DOCK4: variants seen among roughly 807,000 people sequenced by gnomAD.
DOCK4 encodes dedicator of cytokinesis protein 4.
A neutral mutation model predicts 268.1 loss-of-function variants in DOCK4; 97 were observed. The ratio of observed to expected loss-of-function variants is 0.36; its 90% CI spans 0.31 to 0.43. The LOEUF (loss-of-function observed/expected upper bound fraction) is 0.43, where lower values mean the gene tolerates loss of function less well. Among genes scored for constraint, DOCK4 ranks in the 20% least tolerant of loss-of-function variants. The pLI is 1.00. For synonymous variants in DOCK4, 954 were observed against 887.2 expected (o/e 1.08, Z -1.34); for missense variants, 2,145 against 2,455.7 (o/e 0.87, Z 2.67).
At chr7:111,775,314 G>C (rs1387204329) in intron 36 of DOCK4, among the ~76,000 whole-genome samples, 1 of 152,142 alleles carries the variant, frequency 6.6e-6, no homozygotes, top group African/African-American at 2.4e-5. Context: ...CCATGATTCA[G>C]GAGTTCCTTG....
intron 1 of DOCK4, among the ~76,000 whole-genome samples, chr7:112,177,639 T>G (rs1037175300): frequency 6.6e-6 from 1 of 152,236 alleles, no homozygotes; most frequent in African/African-American, 2.4e-5. Context: ...TGGTTTCTGA[T>G]AGCTAATCAC....
intron 1 of DOCK4, among the ~76,000 whole-genome samples, chr7:112,005,632 G>A (rs541650511): frequency 6.6e-6 from 1 of 152,308 alleles, no homozygotes; most frequent in African/African-American, 2.4e-5. Context: ...ACAGTAGATT[G>A]ACTGCAATTT....
At chr7:111,804,969 G>A (rs1469875967) in intron 30 of DOCK4, among the ~76,000 whole-genome samples, 1 of 152,152 alleles carries the variant, frequency 6.6e-6, no homozygotes, top group African/African-American at 2.4e-5. Context: ...AATTATATGA[G>A]CAGGATGATG....
chr7:111,848,144 A>G (rs920937347), intron 23 of DOCK4, among the ~76,000 whole-genome samples: 2 of 152,230 alleles, frequency 1.3e-5, no homozygotes, highest in Non-Finnish European at 2.9e-5. Flanking sequence ...TGTAAATTCA[A>G]CTACATTTAC....
intron 1 of DOCK4, among the ~76,000 whole-genome samples, chr7:112,184,930 G>C (rs1337405781): frequency 6.6e-6 from 1 of 152,122 alleles, no homozygotes; most frequent in African/African-American, 2.4e-5. Context: ...GCACTTTATA[G>C]TTTACATGGC....
chr7:112,013,052 A>G (rs2135371254), intron 1 of DOCK4, among the ~76,000 whole-genome samples: 1 of 152,200 alleles, frequency 6.6e-6, no homozygotes, highest in South Asian at 2.1e-4. Context: ...CACACACACC[A>G]CTTTAAAATG....
chr7:111,882,196 T>C (rs1807448357), intron 16 of DOCK4, among the ~76,000 whole-genome samples: 1 of 152,170 alleles, frequency 6.6e-6, no homozygotes, highest in African/African-American at 2.4e-5. Context: ...CCCATAAATA[T>C]AATCACCTAC....
chr7:111,972,105 C>T (rs1282655924), intron 8 of DOCK4: 1 of 152,564 alleles, frequency 6.6e-6, no homozygotes, highest in East Asian at 1.9e-4. Context: ...TTTCTGAGGC[C>T]CTATATCAGT....
chr7:111,759,699 C>T (rs1369416919), intron 40 of DOCK4, among the ~76,000 whole-genome samples: 1 of 146,976 alleles, frequency 6.8e-6, no homozygotes, highest in Non-Finnish European at 1.5e-5. Flanking sequence ...TGATTAAAGG[C>T]TGTTCAGGAT....
chr7:112,049,128 T>A (rs1454557903), intron 1 of DOCK4, among the ~76,000 whole-genome samples: 1 of 151,894 alleles, frequency 6.6e-6, no homozygotes, highest in Non-Finnish European at 1.5e-5. Context: ...GGGTAAATAT[T>A]TTTTTTTGAA....
intron 43 of DOCK4, 81 bp from the exon 44 acceptor site, chr7:111,746,498 TCTTTATGGAAATGACAC>T: frequency 8.9e-7 from 1 of 1,126,194 alleles, no homozygotes; most frequent in Non-Finnish European, 1.3e-6. Context: ...AGACCTGGCA[TCTTTATGGAAATGACAC>T]CATTACAAAC....
At position 111,728,713 on chromosome 7, in the gene DOCK4, A is replaced by C. The variant is rs764039401; in HGVS notation, c.5489T>G (p.Val1830Gly). The C allele has an allele frequency of 1.9e-6, 3 of 1,610,044 alleles. No individual in the cohort carries two copies. The highest frequency in any genetic ancestry group is 1.1e-5 in the South Asian group (1 of 90,586). ...CACTGGAGAGGGGGTGAAAGACTGC[A>C]CAGAGCCCTGCTCCGGGGAGAAGGA... Reference protein sequence around the residue: ...PAGRSPLKGSVQSFTPSPVEY... With the variant: ...PAGRSPLKGSGQSFTPSPVEY... The change falls in exon 53 of 53, where the codon GTG becomes GGG. Residue 1830 changes from valine (V) to glycine (G), a missense_variant. Transcript: ENST00000428084.
intron 6 of DOCK4, among the ~76,000 whole-genome samples, chr7:111,988,087 A>G (rs1245520536): frequency 6.6e-6 from 1 of 152,192 alleles, no homozygotes; most frequent in Non-Finnish European, 1.5e-5. Context: ...TGGTTTTTCC[A>G]CATTCAGTAA....
intron 36 of DOCK4, among the ~76,000 whole-genome samples, chr7:111,770,835 A>C (rs1798083204): frequency 6.6e-6 from 1 of 152,206 alleles, no homozygotes; most frequent in African/African-American, 2.4e-5. Flanking sequence ...GTAACTACAC[A>C]TAAAGCCCTA....
At chr7:112,166,356 T>G (rs1055802870) in intron 1 of DOCK4, among the ~76,000 whole-genome samples, 13 of 152,196 alleles carry the variant, frequency 8.5e-5, no homozygotes, top group East Asian at 5.8e-4. Context: ...TGGAGGTAAG[T>G]ATACACACAT....
intron 1 of DOCK4, among the ~76,000 whole-genome samples, chr7:112,083,688 A>G (rs933753760): frequency 1.3e-4 from 20 of 152,186 alleles, no homozygotes; most frequent in African/African-American, 4.1e-4. Context: ...TTTAAAAGAC[A>G]TGGTTTTCCG....
At chr7:112,125,813 T>G (rs918161708) in intron 1 of DOCK4, among the ~76,000 whole-genome samples, 1 of 152,014 alleles carries the variant, frequency 6.6e-6, no homozygotes, top group African/African-American at 2.4e-5. Flanking sequence ...ATTTTTTTGT[T>G]TTTTGTTTTT....
chr7:111,986,081 G>A (rs1799029645), intron 6 of DOCK4, among the ~76,000 whole-genome samples: 1 of 152,178 alleles, frequency 6.6e-6, no homozygotes, highest in South Asian at 2.1e-4. Context: ...AGCCACACCT[G>A]ATTGTACCAT....
intron 1 of DOCK4, among the ~76,000 whole-genome samples, chr7:112,158,068 C>A (rs904956427): frequency 6.6e-6 from 1 of 152,164 alleles, no homozygotes; most frequent in African/African-American, 2.4e-5. Context: ...GCAGTTATCT[C>A]CATGGAAGCC....
Sources: gnomAD v4.1 joint callset for allele counts (sites outside exome capture counted in the v4.1 genomes callset) on GRCh38, gnomAD v4.1.1 for gene constraint, MANE v1.5 for transcripts, NCBI Gene and HGNC (gene_info 2026-07-23, HGNC 2026-07-21) for gene names.